Variants in SYNPO observed in about 807,000 individuals in gnomAD.
The protein encoded by SYNPO is synaptopodin.
Under a neutral mutation model 49.5 loss-of-function variants are expected in SYNPO, and 19 were observed. The ratio of observed to expected loss-of-function variants is 0.38; its 90% CI spans 0.27 to 0.56. SYNPO has a LOEUF of 0.56. Ranked by LOEUF, SYNPO falls within the 20% of genes least tolerant of loss-of-function variation. SYNPO has a pLI of 0.68. For synonymous variants in SYNPO, 536 were observed against 548.0 expected, an observed-to-expected ratio of 0.98 and a Z score of 0.31; for missense variants, 1,131 against 1,248.3, an observed-to-expected ratio of 0.91 and a Z score of 1.42.
upstream of SYNPO, among the ~76,000 whole-genome samples, chr5:150,596,197 C>T (rs1009535572): frequency 6.6e-6 from 1 of 152,178 alleles, no homozygotes; most frequent in African/African-American, 2.4e-5. Flanking sequence ...CCTCCAAATC[C>T]AGGGCTTGAT....
In SYNPO at chr5:150,622,693, C is replaced by T. The variant is rs116154398; in HGVS notation, c.400+3926C>T. Among the ~76,000 whole-genome samples, 725 of 152,284 alleles carry T rather than the reference C, an allele frequency of 4.8e-3. 9 individuals are homozygous for T. Among genetic ancestry groups the T allele is most frequent in the African/African-American group, 0.017 (688 of 41,540 alleles). On this transcript the variant is annotated intron_variant, in intron 2 of 2. Transcript: ENST00000394243. ...GCGTGTTAACAGCTGACAGTGGTCA[C>T]TGGGCCCAGAACAAGGCTCCTGCTC...
intron 1 of SYNPO, among the ~76,000 whole-genome samples, chr5:150,646,034 GT>G (rs567445676): frequency 6.6e-6 from 1 of 152,110 alleles, no homozygotes; most frequent in Non-Finnish European, 1.5e-5. Context: ...ACCTTTTTAT[GT>G]TTTAATTTTT....
Position 150,640,812 on chromosome 5 carries a change from G to A in SYNPO, c.-375G>A, listed in dbSNP as rs1447171533. ...AGAACCAAGGCTTGAAGGCCGGCAGGAGCATCCAGGGGGAAGCTTGGCTTC... is the reference window on the plus strand; with the variant it reads ...AGAACCAAGGCTTGAAGGCCGGCAGAAGCATCCAGGGGGAAGCTTGGCTTC... On this transcript the variant is annotated 5_prime_UTR_variant, in exon 1 of 3. Coordinates refer to ENST00000307662, the MANE Select transcript of SYNPO (RefSeq NM_007286.6). The A allele has an allele frequency of 1.0e-6, 1 of 985,518 alleles. No individual in the cohort carries two copies. The highest frequency in any genetic ancestry group is 1.1e-4 in the East Asian group (1 of 8,962). The allele number at this position is 985,518 out of a possible 1,614,324, so 61.0% of individuals were successfully genotyped here.
At chr5:150,614,601 G>T (rs888119588) in intron 1 of SYNPO, 2 of 152,228 alleles carry the variant, frequency 1.3e-5, no homozygotes, top group African/African-American at 2.4e-5. Flanking sequence ...TCCCCTCTGG[G>T]TTCAGAGTTC....
intron 2 of SYNPO, among the ~76,000 whole-genome samples, chr5:150,629,077 G>A (rs1757455683): frequency 6.6e-6 from 1 of 152,166 alleles, no homozygotes; most frequent in Non-Finnish European, 1.5e-5. Flanking sequence ...GGGGTGCAGT[G>A]GCATGATTAT....
At chr5:150,636,479 G>C (rs146510906), upstream of SYNPO, among the ~76,000 whole-genome samples, 3,674 of 152,310 alleles carry the variant, frequency 0.024, 53 homozygotes, top group Non-Finnish European at 0.039. Context: ...GATCAGCCCA[G>C]TGTCTCACCC....
intron 1 of SYNPO, among the ~76,000 whole-genome samples, chr5:150,603,003 T>G (rs920957467): frequency 4.1e-5 from 6 of 146,152 alleles, no homozygotes; most frequent in African/African-American, 1.6e-4. Flanking sequence ...TTAGGGTGTG[T>G]GTGTGTGTGT....
the SYNPO span, among the ~76,000 whole-genome samples, chr5:150,587,407 T>C: frequency 6.6e-6 from 1 of 152,110 alleles, no homozygotes; most frequent in African/African-American, 2.4e-5. Flanking sequence ...TGTGGATGCA[T>C]GGATGGATGG....
chr5:150,601,426 G>A (rs1042611329), intron 1 of SYNPO, among the ~76,000 whole-genome samples: 2 of 152,180 alleles, frequency 1.3e-5, no homozygotes, highest in African/African-American at 4.8e-5. Flanking sequence ...CCTGGGGCTT[G>A]GGGCTGGGGG....
chr5:150,592,026 A>G, the SYNPO span, among the ~76,000 whole-genome samples: 4 of 152,306 alleles, frequency 2.6e-5, no homozygotes, highest in East Asian at 1.9e-4. Flanking sequence ...TTGGCTGGGC[A>G]TGGTGGCGCA....
chr5:150,592,485 A>G, the SYNPO span, among the ~76,000 whole-genome samples: 110 of 152,328 alleles, frequency 7.2e-4, no homozygotes, highest in Non-Finnish European at 1.3e-3. Flanking sequence ...CTTGAGAAAC[A>G]CTGTTCTGAT....
In SYNPO at chr5:150,649,874, C is replaced by T. The variant is rs767346991; in HGVS notation, c.1599C>T (p.Ser533=). 9 of 1,609,362 alleles carry T rather than the reference C, an allele frequency of 5.6e-6. No individual in the cohort carries two copies. In the Admixed American group the frequency reaches 1.2e-4, roughly 21 times the overall value. ...TNAPGAFRVA[S]RSPARTPPAS... ...CCCCCGGGGCCTTCCGAGTGGCATC[C>T]CGAAGCCCAGCCCGGACCCCGCCTG... The change falls in exon 2 of 3, where the codon TCC becomes TCT. Residue 533 remains serine (S), a synonymous_variant. Transcript: ENST00000307662.
intron 1 of SYNPO, among the ~76,000 whole-genome samples, chr5:150,616,212 C>A (rs1176980185): frequency 6.6e-6 from 1 of 152,236 alleles, no homozygotes; most frequent in East Asian, 1.9e-4. Context: ...CTTGACCCAG[C>A]CTGCTGCAGT....
chr5:150,640,911 C>A, intron 1 of SYNPO, 57 bp downstream of exon 1: 1 of 869,238 alleles, frequency 1.2e-6, no homozygotes, highest in Non-Finnish European at 1.4e-6. Flanking sequence ...TGACTTAGGG[C>A]ATGTGGCATC....
At chr5:150,633,559 G>A (rs1186125272) in intron 2 of SYNPO, among the ~76,000 whole-genome samples, 1 of 152,174 alleles carries the variant, frequency 6.6e-6, no homozygotes, top group African/African-American at 2.4e-5. Context: ...GTTACACTGG[G>A]GGCTGGGAGT....
At chr5:150,618,193 G>C in exon 2 of SYNPO, 2 of 741,136 alleles carry the variant, frequency 2.7e-6, no homozygotes, top group South Asian at 2.4e-5. Flanking sequence ...CTTATCTTTC[G>C]TCTCAGCCAG....
At chr5:150,601,270 G>C (rs1756532317) in intron 1 of SYNPO, 1 of 152,434 alleles carries the variant, frequency 6.6e-6, no homozygotes, top group African/African-American at 2.4e-5. Context: ...GCCAGTGGAG[G>C]AGTGGGGGTG....
At chr5:150,624,821 C>A (rs907290124) in intron 2 of SYNPO, 1 of 980,764 alleles carries the variant, frequency 1.0e-6, no homozygotes, top group Non-Finnish European at 1.2e-6. Context: ...TGGCGGGGAC[C>A]TCGGGGCGGG....
chr5:150,634,320 G>A (rs1757637629), intron 2 of SYNPO, among the ~76,000 whole-genome samples: 1 of 152,180 alleles, frequency 6.6e-6, no homozygotes, highest in Non-Finnish European at 1.5e-5. Flanking sequence ...TTGAATTGCA[G>A]ACCAGGTTGA....
Sources: allele counts gnomAD v4.1 joint callset (sites outside exome capture counted in the v4.1 genomes callset), GRCh38; gene constraint gnomAD v4.1.1; transcripts MANE v1.5; gene names NCBI Gene and HGNC (gene_info 2026-07-23, HGNC 2026-07-21).